Variants in FMN1 observed in about 807,000 individuals in gnomAD.
FMN1 encodes the protein formin 1, also known as formin-1.
In FMN1, 110 loss-of-function variants were observed where a neutral mutation model predicts 132.4. The ratio of observed to expected loss-of-function variants is 0.83; its 90% CI spans 0.71 to 0.97. The LOEUF (loss-of-function observed/expected upper bound fraction) is 0.97, where lower values mean the gene tolerates loss of function less well. Ranked by LOEUF, FMN1 falls within the 50% of genes least tolerant of loss-of-function variation. FMN1 has a pLI of 0.00. For missense variants in FMN1, 1,792 were observed against 1,705.3 expected (o/e 1.05, Z -0.90); for synonymous variants, 722 against 651.7 (o/e 1.11, Z -1.64).
chr15:33,093,257 CCCAAGGCA>C (rs2038964612), intron 4 of FMN1, among the ~76,000 whole-genome samples: 1 of 151,798 alleles, frequency 6.6e-6, no homozygotes, highest in Admixed American at 6.6e-5. Context: ...TGTTGTAGTG[CCCAAGGCA>C]CTACATAAAA....
chr15:32,939,458 T>C (rs1183044486), intron 9 of FMN1, among the ~76,000 whole-genome samples: 1 of 152,184 alleles, frequency 6.6e-6, no homozygotes, highest in East Asian at 1.9e-4. Flanking sequence ...GATTTTTTTT[T>C]TAATTTGTTA....
At chr15:32,935,225 G>A (rs1768163828) in intron 9 of FMN1, among the ~76,000 whole-genome samples, 1 of 151,834 alleles carries the variant, frequency 6.6e-6, no homozygotes, top group African/African-American at 2.4e-5. Flanking sequence ...CCAGCCGATA[G>A]ACAGTTTTTC....
intron 3 of FMN1, among the ~76,000 whole-genome samples, chr15:33,163,702 C>T (rs1389172871): frequency 6.6e-6 from 1 of 151,848 alleles, no homozygotes; most frequent in African/African-American, 2.4e-5. Flanking sequence ...ACTGCAACCT[C>T]CACCTCCTGG....
intron 6 of FMN1, 104 bp downstream of exon 6, chr15:33,064,853 T>C: frequency 5.3e-6 from 4 of 761,744 alleles, no homozygotes; most frequent in Non-Finnish European, 8.6e-6. Flanking sequence ...CATTACATTT[T>C]ATAATGAAAT....
At chr15:32,867,815 A>G (rs147591435) in intron 16 of FMN1, among the ~76,000 whole-genome samples, 1 of 152,182 alleles carries the variant, frequency 6.6e-6, no homozygotes, top group Non-Finnish European at 1.5e-5. Context: ...TCCACCTTCC[A>G]TTCTGTGATG....
intron 15 of FMN1, among the ~76,000 whole-genome samples, chr15:32,897,176 G>A (rs2060180318): frequency 6.6e-6 from 1 of 152,120 alleles, no homozygotes; most frequent in African/African-American, 2.4e-5. Context: ...CATTTCCCTG[G>A]ATGATTAGTG....
At chr15:33,190,629 G>A (rs867963390) in intron 2 of FMN1, among the ~76,000 whole-genome samples, 3 of 152,166 alleles carry the variant, frequency 2.0e-5, no homozygotes, top group Non-Finnish European at 2.9e-5. Context: ...GCTGTCTGAC[G>A]CATTTCTAGA....
chr15:32,870,953 A>C (rs1188278217), intron 16 of FMN1, among the ~76,000 whole-genome samples: 1 of 152,216 alleles, frequency 6.6e-6, no homozygotes, highest in East Asian at 1.9e-4. Flanking sequence ...ATGTATTTCT[A>C]AGATTGGTTT....
intron 7 of FMN1, among the ~76,000 whole-genome samples, chr15:32,991,675 G>A (rs572002112): frequency 9.2e-5 from 14 of 152,208 alleles, no homozygotes; most frequent in South Asian, 6.2e-4. Flanking sequence ...GGCTAAAATC[G>A]CTTGATAAAT....
intron 8 of FMN1, among the ~76,000 whole-genome samples, chr15:32,967,881 A>G (rs1474535414): frequency 6.6e-6 from 1 of 152,242 alleles, no homozygotes; most frequent in African/African-American, 2.4e-5. Flanking sequence ...TGTGTCCTAT[A>G]TTTGCTGTCC....
intron 8 of FMN1, among the ~76,000 whole-genome samples, chr15:32,964,546 G>C (rs2031000451): frequency 6.6e-6 from 1 of 152,162 alleles, no homozygotes; most frequent in Non-Finnish European, 1.5e-5. Context: ...CTGGGATTCG[G>C]ATTCCTGGGG....
At chr15:32,812,015 TAAACAAACAAACAAAC>T (rs71424675) in intron 17 of FMN1, among the ~76,000 whole-genome samples, 7 of 150,480 alleles carry the variant, frequency 4.7e-5, no homozygotes, top group Admixed American at 1.3e-4. Flanking sequence ...TTATGGACAC[TAAACAAACAAACAAAC>T]AAACAAACAA....
chr15:32,928,868 A>C (rs1356164415), intron 9 of FMN1, among the ~76,000 whole-genome samples: 1 of 152,238 alleles, frequency 6.6e-6, no homozygotes, highest in African/African-American at 2.4e-5. Flanking sequence ...GTACAAATGC[A>C]CATTTCTCTG....
intron 12 of FMN1, among the ~76,000 whole-genome samples, chr15:32,902,262 G>A (rs959463253): frequency 6.6e-6 from 1 of 152,088 alleles, no homozygotes; most frequent in Non-Finnish European, 1.5e-5. Context: ...TAAATGCATG[G>A]TATAGAAATT....
chr15:33,173,599 A>G (rs1965407487), intron 3 of FMN1, among the ~76,000 whole-genome samples: 1 of 152,244 alleles, frequency 6.6e-6, no homozygotes, highest in Non-Finnish European at 1.5e-5. Context: ...GGATAGAGGA[A>G]AATATGATTG....
At chr15:33,046,180 C>CA (rs574287540) in intron 6 of FMN1, among the ~76,000 whole-genome samples, 306 of 152,052 alleles carry the variant, frequency 2.0e-3, no homozygotes, top group Middle Eastern at 0.014. Flanking sequence ...GTCCTCATGT[C>CA]AAAAAAAGAA....
intron 4 of FMN1, among the ~76,000 whole-genome samples, chr15:33,126,521 G>A (rs1258815708): frequency 2.0e-5 from 3 of 151,990 alleles, no homozygotes; most frequent in Admixed American, 6.6e-5. Context: ...TATTCGCTGA[G>A]TACCTCCAAA....
At chr15:33,125,614 C>A (rs1169556821) in intron 4 of FMN1, among the ~76,000 whole-genome samples, 1 of 151,676 alleles carries the variant, frequency 6.6e-6, no homozygotes, top group African/African-American at 2.4e-5. Context: ...CCAAGGCGGG[C>A]AGATCACTTG....
chr15:33,187,419 G>C (rs1410620702), intron 2 of FMN1, among the ~76,000 whole-genome samples: 1 of 152,186 alleles, frequency 6.6e-6, no homozygotes, highest in Non-Finnish European at 1.5e-5. Flanking sequence ...TCTCCCCAGG[G>C]CTGTTGGGAA....
Sources: gnomAD v4.1 joint callset for allele counts (sites outside exome capture counted in the v4.1 genomes callset) on GRCh38, gnomAD v4.1.1 for gene constraint, MANE v1.5 for transcripts, NCBI Gene and HGNC (gene_info 2026-07-23, HGNC 2026-07-21) for gene names.